Variants in MAML2 observed in about 807,000 individuals in gnomAD.
MAML2 encodes mastermind like transcriptional coactivator 2.
MAML2 carries 22 observed loss-of-function variants against 96.1 expected under a neutral mutation model. The ratio of observed to expected loss-of-function variants is 0.23; its 90% CI spans 0.16 to 0.33. The LOEUF (loss-of-function observed/expected upper bound fraction) is 0.33. Among genes scored for constraint, MAML2 ranks in the 10% least tolerant of loss-of-function variants. The probability of loss-of-function intolerance (pLI) is 1.00; values close to 1 mark genes in which losing one functional copy is unlikely to be tolerated. For synonymous variants in MAML2, 561 were observed against 521.3 expected (o/e 1.08, Z -1.04); for missense variants, 1,367 against 1,392.4 (o/e 0.98, Z 0.29).
intron 1 of MAML2, among the ~76,000 whole-genome samples, chr11:96,098,785 C>T (rs997886587): frequency 3.3e-5 from 5 of 152,304 alleles, no homozygotes; most frequent in East Asian, 1.9e-4. Context: ...GGTATGAGAA[C>T]GCCTAGGAAC....
chr11:96,324,404 C>T (rs1326598212), intron 1 of MAML2, among the ~76,000 whole-genome samples: 9 of 151,980 alleles, frequency 5.9e-5, no homozygotes, highest in African/African-American at 1.9e-4. Context: ...ATGTGTTGAA[C>T]CAAAAGGATG....
intron 1 of MAML2, among the ~76,000 whole-genome samples, chr11:96,281,020 T>G (rs577087717): frequency 6.6e-6 from 1 of 152,242 alleles, no homozygotes; most frequent in Non-Finnish European, 1.5e-5. Flanking sequence ...TATTTTCCAA[T>G]GTAGTGAGTA....
intron 1 of MAML2, among the ~76,000 whole-genome samples, chr11:96,228,016 C>A (rs1208040996): frequency 6.6e-6 from 1 of 152,194 alleles, no homozygotes; most frequent in Non-Finnish European, 1.5e-5. Context: ...GTGGAAGGAT[C>A]ACTTGAACCT....
intron 1 of MAML2, among the ~76,000 whole-genome samples, chr11:96,283,381 C>G (rs568108849): frequency 6.6e-6 from 1 of 152,138 alleles, no homozygotes; most frequent in Admixed American, 6.5e-5. Flanking sequence ...TTTTCTACAA[C>G]GTTTATTAGA....
chr11:96,170,943 T>C (rs1249979442), intron 1 of MAML2, among the ~76,000 whole-genome samples: 1 of 152,152 alleles, frequency 6.6e-6, no homozygotes, highest in African/African-American at 2.4e-5. Flanking sequence ...CTCGATCTCC[T>C]GACCTCAAAT....
At chr11:96,017,359 C>G (rs1010979818) in intron 2 of MAML2, among the ~76,000 whole-genome samples, 21 of 151,702 alleles carry the variant, frequency 1.4e-4, no homozygotes, top group African/African-American at 4.8e-4. Context: ...CCCTCCCTCC[C>G]TCTCTCCCTC....
chr11:96,290,193 C>T (rs917027896), intron 1 of MAML2, among the ~76,000 whole-genome samples: 2 of 152,128 alleles, frequency 1.3e-5, no homozygotes, highest in African/African-American at 4.8e-5. Flanking sequence ...TCTTCATTCT[C>T]CCCAAAGCTT....
chr11:96,017,038 T>C (rs1001427804), intron 2 of MAML2, among the ~76,000 whole-genome samples: 2 of 152,118 alleles, frequency 1.3e-5, no homozygotes, highest in Non-Finnish European at 2.9e-5. Context: ...GAATAATCAG[T>C]AATAATAATA....
At chr11:96,044,992 GTT>G (rs1858873166) in intron 2 of MAML2, among the ~76,000 whole-genome samples, 1 of 151,492 alleles carries the variant, frequency 6.6e-6, no homozygotes, top group African/African-American at 2.4e-5. Flanking sequence ...ACTCATGGAG[GTT>G]TTGCCTACAC....
chr11:96,170,715 A>C (rs1370136174), intron 1 of MAML2, among the ~76,000 whole-genome samples: 2 of 151,998 alleles, frequency 1.3e-5, no homozygotes, highest in Non-Finnish European at 2.9e-5. Flanking sequence ...CTGTGTGTAG[A>C]TTCTACTTTT....
intron 1 of MAML2, among the ~76,000 whole-genome samples, chr11:96,256,351 G>A (rs1010150468): frequency 6.6e-6 from 1 of 151,926 alleles, no homozygotes; most frequent in African/African-American, 2.4e-5. Context: ...TGCTCTCTTT[G>A]CTACACTGCA....
intron 1 of MAML2, among the ~76,000 whole-genome samples, chr11:96,131,974 C>T (rs1860555532): frequency 6.6e-6 from 1 of 152,192 alleles, no homozygotes; most frequent in Non-Finnish European, 1.5e-5. Flanking sequence ...TGTGCTATTG[C>T]ACTCCAGCCT....
chr11:96,332,799 T>C (rs1863871046), intron 1 of MAML2, among the ~76,000 whole-genome samples: 1 of 152,154 alleles, frequency 6.6e-6, no homozygotes, highest in African/African-American at 2.4e-5. Context: ...CCAGAGAATG[T>C]TTTTATTTTT....
At chr11:96,230,958 C>T (rs1270155377) in intron 1 of MAML2, among the ~76,000 whole-genome samples, 5 of 152,208 alleles carry the variant, frequency 3.3e-5, no homozygotes, top group African/African-American at 1.2e-4. Flanking sequence ...GCTACATTTC[C>T]ATGTTTAGTA....
intron 1 of MAML2, among the ~76,000 whole-genome samples, chr11:96,249,402 A>G (rs1308428665): frequency 1.3e-5 from 2 of 152,280 alleles, no homozygotes; most frequent in Non-Finnish European, 1.5e-5. Context: ...GCCCTTGCGC[A>G]TGAATTCCAG....
intron 2 of MAML2, among the ~76,000 whole-genome samples, chr11:96,010,938 A>G (rs1226681918): frequency 6.6e-6 from 1 of 152,232 alleles, no homozygotes; most frequent in African/African-American, 2.4e-5. Context: ...AATATTCTTT[A>G]AAGTTTAAAA....
intron 2 of MAML2, among the ~76,000 whole-genome samples, chr11:95,995,120 A>G (rs867945221): frequency 6.6e-6 from 1 of 152,250 alleles, no homozygotes; most frequent in Non-Finnish European, 1.5e-5. Context: ...CATAGGAACA[A>G]TAGTCTGTTT....
intron 1 of MAML2, among the ~76,000 whole-genome samples, chr11:96,145,634 T>C (rs1178094208): frequency 6.6e-6 from 1 of 152,188 alleles, no homozygotes; most frequent in Non-Finnish European, 1.5e-5. Context: ...ACTTGTTGTG[T>C]TAAAATAAAT....
intron 2 of MAML2, among the ~76,000 whole-genome samples, chr11:96,071,364 G>A (rs768490890): frequency 6.6e-6 from 1 of 152,268 alleles, no homozygotes; most frequent in Non-Finnish European, 1.5e-5. Context: ...AAAGAGCTGT[G>A]TGGAAAATGA....
Sources: allele counts gnomAD v4.1 joint callset (sites outside exome capture counted in the v4.1 genomes callset), GRCh38; gene constraint gnomAD v4.1.1; transcripts MANE v1.5; gene names NCBI Gene and HGNC (gene_info 2026-07-23, HGNC 2026-07-21).